Variants in NEDD4L observed in about 807,000 individuals in gnomAD.
The protein encoded by NEDD4L is E3 ubiquitin-protein ligase NEDD4-like.
In NEDD4L, 54 loss-of-function variants were observed where a neutral mutation model predicts 148.9. The observed-to-expected ratio is 0.36, with a 90% CI of 0.29 to 0.45. The LOEUF (loss-of-function observed/expected upper bound fraction) is 0.45. NEDD4L is among the 20% of genes least tolerant of loss of function. The pLI is 1.00. For missense variants in NEDD4L, 856 were observed against 1,233.8 expected, an observed-to-expected ratio of 0.69 and a Z score of 4.59; for synonymous variants, 433 against 440.7, an observed-to-expected ratio of 0.98 and a Z score of 0.22.
chr18:58,096,234 C>T (rs990578984), intron 1 of NEDD4L, among the ~76,000 whole-genome samples: 1 of 151,880 alleles, frequency 6.6e-6, no homozygotes, highest in Non-Finnish European at 1.5e-5. Context: ...TATGGGAAAA[C>T]TATTTTTGAA....
chr18:58,244,227 T>G (rs2046979782), intron 2 of NEDD4L, among the ~76,000 whole-genome samples: 1 of 152,198 alleles, frequency 6.6e-6, no homozygotes, highest in Admixed American at 6.5e-5. Flanking sequence ...TTACATAAAG[T>G]TAATCTGATG....
At chr18:58,114,149 C>G (rs1365457299) in intron 1 of NEDD4L, among the ~76,000 whole-genome samples, 2 of 152,140 alleles carry the variant, frequency 1.3e-5, no homozygotes, top group East Asian at 3.8e-4. Flanking sequence ...CATTCTTAAA[C>G]AACTCTGAGT....
intron 16 of NEDD4L, among the ~76,000 whole-genome samples, chr18:58,344,521 GAAGT>G (rs945543612): frequency 1.3e-5 from 2 of 152,158 alleles, no homozygotes; most frequent in Admixed American, 6.5e-5. Context: ...TTTCTATTTT[GAAGT>G]AAGGGAATGG....
chr18:58,214,800 A>ATTTT (rs60043101), intron 2 of NEDD4L, among the ~76,000 whole-genome samples: 2 of 123,364 alleles, frequency 1.6e-5, no homozygotes, highest in Non-Finnish European at 1.7e-5. Flanking sequence ...TCTTTCTTTC[A>ATTTT]TTTTTTTTTT....
chr18:58,238,616 G>T (rs1384799252), intron 2 of NEDD4L, among the ~76,000 whole-genome samples: 11 of 152,050 alleles, frequency 7.2e-5, no homozygotes, highest in Admixed American at 7.2e-4. Context: ...CTGGAAGTTT[G>T]CTTCTAATTT....
At chr18:58,179,009 G>T (rs2038507135) in intron 2 of NEDD4L, among the ~76,000 whole-genome samples, 1 of 152,184 alleles carries the variant, frequency 6.6e-6, no homozygotes, top group African/African-American at 2.4e-5. Context: ...GTAGGAAAAT[G>T]ATAGTATTGG....
chr18:58,361,886 T>TA (rs33923139), intron 19 of NEDD4L, among the ~76,000 whole-genome samples: 119 of 148,278 alleles, frequency 8.0e-4, no homozygotes, highest in African/African-American at 1.8e-3. Context: ...GTCCAATAAT[T>TA]AAAAAAAAAA....
intron 5 of NEDD4L, among the ~76,000 whole-genome samples, chr18:58,310,793 C>T (rs528225796): frequency 2.0e-5 from 3 of 152,316 alleles, no homozygotes; most frequent in South Asian, 4.1e-4. Context: ...GCACTGGGGC[C>T]GGCCAGTGGC....
At chr18:58,093,010 G>A (rs1004223005) in intron 1 of NEDD4L, among the ~76,000 whole-genome samples, 1 of 151,884 alleles carries the variant, frequency 6.6e-6, no homozygotes, top group Non-Finnish European at 1.5e-5. Context: ...ACAGGTGCCC[G>A]CCACCACACC....
chr18:58,159,507 G>A (rs562394705), intron 1 of NEDD4L, among the ~76,000 whole-genome samples: 248 of 152,218 alleles, frequency 1.6e-3, no homozygotes, highest in African/African-American at 5.5e-3. Flanking sequence ...GGAAATCTCC[G>A]TGCCTTCTGC....
intron 1 of NEDD4L, among the ~76,000 whole-genome samples, chr18:58,058,176 C>A (rs186202097): frequency 6.6e-6 from 1 of 152,228 alleles, no homozygotes; most frequent in African/African-American, 2.4e-5. Flanking sequence ...TGTGGTGGCA[C>A]GCACCTGTAA....
intron 24 of NEDD4L, among the ~76,000 whole-genome samples, chr18:58,376,557 C>T (rs1384797376): frequency 1.3e-5 from 2 of 152,192 alleles, no homozygotes; most frequent in Non-Finnish European, 2.9e-5. Context: ...TCACACACCT[C>T]CCAAACCTTT....
intron 1 of NEDD4L, among the ~76,000 whole-genome samples, chr18:58,101,320 G>A (rs918883939): frequency 2.0e-5 from 3 of 152,132 alleles, no homozygotes; most frequent in East Asian, 3.8e-4. Context: ...CATATTCAGC[G>A]TGGCCCAGCT....
intron 2 of NEDD4L, among the ~76,000 whole-genome samples, chr18:58,208,916 T>G (rs2147630923): frequency 6.6e-6 from 1 of 152,240 alleles, no homozygotes; most frequent in South Asian, 2.1e-4. Context: ...GTGCCTTCAC[T>G]TTGGAACACT....
chr18:58,375,599 C>T (rs1335435552), intron 24 of NEDD4L, among the ~76,000 whole-genome samples: 2 of 152,078 alleles, frequency 1.3e-5, no homozygotes, highest in East Asian at 1.9e-4. Flanking sequence ...ATTGCTGGCT[C>T]GACACTGCCC....
At chr18:58,168,211 G>A (rs1022315692) in intron 2 of NEDD4L, among the ~76,000 whole-genome samples, 11 of 152,160 alleles carry the variant, frequency 7.2e-5, no homozygotes, top group Non-Finnish European at 1.6e-4. Flanking sequence ...TTGATAAGTA[G>A]GCGCACACAT....
intron 1 of NEDD4L, among the ~76,000 whole-genome samples, chr18:58,069,755 T>C (rs1423141142): frequency 1.3e-5 from 2 of 152,214 alleles, no homozygotes; most frequent in Non-Finnish European, 2.9e-5. Context: ...AGTGAGAACA[T>C]TGGCAAAACC....
chr18:58,073,937 A>G (rs191313843), intron 1 of NEDD4L, among the ~76,000 whole-genome samples: 4 of 152,354 alleles, frequency 2.6e-5, no homozygotes, highest in Admixed American at 2.0e-4. Flanking sequence ...AAAGCGGTGC[A>G]TTAAGCTGAA....
intron 2 of NEDD4L, among the ~76,000 whole-genome samples, chr18:58,226,002 G>A (rs1401248118): frequency 1.3e-5 from 2 of 152,182 alleles, no homozygotes; most frequent in East Asian, 1.9e-4. Flanking sequence ...CACTAGGTTA[G>A]TGGTTAAAAG....
Sources: allele counts gnomAD v4.1 joint callset (sites outside exome capture counted in the v4.1 genomes callset), GRCh38; gene constraint gnomAD v4.1.1; transcripts MANE v1.5; gene names NCBI Gene and HGNC (gene_info 2026-07-23, HGNC 2026-07-21).